ENOX1: variants seen among roughly 807,000 people sequenced by gnomAD.
ENOX1 encodes the protein ecto-NOX disulfide-thiol exchanger 1, also known as candidate growth-related and time keeping constitutive hydroquinone (NADH) oxidase.
ENOX1 carries 42 observed loss-of-function variants against 82.5 expected under a neutral mutation model. That is an observed-to-expected ratio of 0.51 (90% CI 0.40 to 0.66). The LOEUF (loss-of-function observed/expected upper bound fraction) is 0.66. ENOX1 is among the 30% of genes least tolerant of loss of function. The pLI, the probability that ENOX1 is intolerant of heterozygous loss-of-function variation, is 0.00. For synonymous variants in ENOX1, 271 were observed against 282.2 expected, an observed-to-expected ratio of 0.96 and a Z score of 0.40; for missense variants, 608 against 811.6, an observed-to-expected ratio of 0.75 and a Z score of 3.05.
chr13:43,234,862 A>G (rs1029755509), intron 15 of ENOX1, among the ~76,000 whole-genome samples: 3 of 152,246 alleles, frequency 2.0e-5, no homozygotes, highest in African/African-American at 7.2e-5. Context: ...CTACTTAGAA[A>G]ACATTTTAAA....
At chr13:43,412,819 G>T (rs1328018213) in intron 4 of ENOX1, 26 bp downstream of exon 4, 10 of 1,613,138 alleles carry the variant, frequency 6.2e-6, no homozygotes, top group Non-Finnish European at 8.5e-6. Context: ...CCTTGTTTGT[G>T]TCCTGTGCTG....
intron 2 of ENOX1, among the ~76,000 whole-genome samples, chr13:43,496,272 T>C (rs1240418586): frequency 6.6e-6 from 1 of 152,176 alleles, no homozygotes; most frequent in African/African-American, 2.4e-5. Flanking sequence ...TACTTTCATG[T>C]AAAGATCTAA....
rs2084988375 is a variant in ENOX1 at position 43,666,529 on chromosome 13, A to T, written c.-219+950T>A. ...CAGGGAGAATGCCATCTATAAGTCA[A>T]GGAATGCCTGAGGCTGCCAGAAGGT... On this transcript the variant is annotated intron_variant, in intron 2 of 16. Transcript: ENST00000690772. Among the ~76,000 whole-genome samples, 3 of 151,928 alleles carry T rather than the reference A, an allele frequency of 2.0e-5. No homozygotes were observed. In the South Asian group the frequency reaches 6.2e-4, roughly 31 times the overall value.
At chr13:43,587,208 T>C (rs146955373) in intron 2 of ENOX1, among the ~76,000 whole-genome samples, 1 of 152,342 alleles carries the variant, frequency 6.6e-6, no homozygotes, top group East Asian at 1.9e-4. Context: ...TTGCTCCAGA[T>C]GAGGACCCAC....
intron 1 of ENOX1, among the ~76,000 whole-genome samples, chr13:43,702,273 T>G (rs779141917): frequency 2.0e-5 from 3 of 152,204 alleles, no homozygotes; most frequent in Non-Finnish European, 4.4e-5. Flanking sequence ...TTTAAATAGA[T>G]AGATAAATAG....
At chr13:43,280,170 A>C (rs1024969581) in intron 12 of ENOX1, among the ~76,000 whole-genome samples, 2 of 152,212 alleles carry the variant, frequency 1.3e-5, no homozygotes, top group South Asian at 2.1e-4. Context: ...ATTTACTTCA[A>C]TCAAATAAGA....
At chr13:43,402,996 A>T (rs1181394590) in intron 5 of ENOX1, among the ~76,000 whole-genome samples, 2 of 152,154 alleles carry the variant, frequency 1.3e-5, no homozygotes, top group Non-Finnish European at 2.9e-5. Context: ...AAAATTAGGG[A>T]ATGTATGTAT....
At chr13:43,415,241 T>TTG (rs2054382841) in intron 3 of ENOX1, among the ~76,000 whole-genome samples, 1 of 144,268 alleles carries the variant, frequency 6.9e-6, no homozygotes, top group Non-Finnish European at 1.5e-5. Flanking sequence ...TGTTTTTTTT[T>TTG]TTTTTTTTTT....
In ENOX1 at chr13:43,524,143, C is replaced by G. The variant is rs75293808; in HGVS notation, c.-218-39991G>C. On this transcript the variant is annotated intron_variant, in intron 2 of 16. Transcript: ENST00000690772. ...ATCCTAGCCTTCAGACCCCTTTAGT[C>G]CATCTAATATCTTCTTGCCAACTCA... is the stretch of plus-strand genomic sequence containing the variant. Among the ~76,000 whole-genome samples the G allele has an allele frequency of 2.4e-3, 365 of 152,262 alleles. 2 individuals carry two copies. The highest frequency in any genetic ancestry group is 0.019 in the South Asian group (94 of 4,828).
chr13:43,558,545 C>A (rs1367953321), intron 2 of ENOX1, among the ~76,000 whole-genome samples: 1 of 152,158 alleles, frequency 6.6e-6, no homozygotes, highest in Non-Finnish European at 1.5e-5. Context: ...GCATTTCTAA[C>A]CCTGATCATT....
rs1305058647 is a variant in ENOX1 at position 43,214,059 on chromosome 13, G to A, written c.1863C>T (p.Phe621=). 3.7e-6 allele frequency: 6 copies of A among 1,613,464 alleles called. No homozygotes were observed. Among genetic ancestry groups the A allele is most frequent in the Middle Eastern group, 1.6e-4 (1 of 6,080 alleles). The change falls in exon 17 of 17, where the codon TTC becomes TTT. Residue 621 remains phenylalanine (F), a synonymous_variant. Coordinates refer to ENST00000690772, the MANE Select transcript of ENOX1 (RefSeq NM_001347969.2). Reference sequence around the variant, plus strand: ...TTTCCAGCGTGGCTCCCACACCCGTGAATTCCTGTTTGAACATGCGTGGCA... The same window carrying A: ...TTTCCAGCGTGGCTCCCACACCCGTAAATTCCTGTTTGAACATGCGTGGCA... ...MRLPRMFKQE[F]TGVGATLEKR... is the part of the protein sequence containing the mutation.
Position 43,617,900 on chromosome 13 carries a change from G to T in ENOX1, c.-219+49579C>A, listed in dbSNP as rs1347640951. Among the ~76,000 whole-genome samples, 317 of 151,894 alleles carry T rather than the reference G, an allele frequency of 2.1e-3. 2 individuals are homozygous for T. Among genetic ancestry groups the T allele is most frequent in the African/African-American group, 6.4e-3 (266 of 41,496 alleles). On this transcript the variant is annotated intron_variant, in intron 2 of 16. Transcript: ENST00000690772. Reference sequence around the variant, plus strand: ...CGTCAACATCTACTGGTTTGTTGTTGTTGTTGTTGTTGTTGTTATGGCCAT... The same window carrying T: ...CGTCAACATCTACTGGTTTGTTGTTTTTGTTGTTGTTGTTGTTATGGCCAT...
intron 2 of ENOX1, among the ~76,000 whole-genome samples, chr13:43,487,367 T>C (rs570708814): frequency 2.0e-5 from 3 of 152,220 alleles, no homozygotes; most frequent in Admixed American, 1.3e-4. Flanking sequence ...AGAGACATGA[T>C]TAGGCATTTA....
chr13:43,261,330 G>A (rs1227165609), intron 14 of ENOX1, among the ~76,000 whole-genome samples: 1 of 152,202 alleles, frequency 6.6e-6, no homozygotes, highest in African/African-American at 2.4e-5. Flanking sequence ...TAAGGGTGCA[G>A]CAGCTGCACC....
At chr13:43,310,594 A>G (rs1886325) in intron 11 of ENOX1, among the ~76,000 whole-genome samples, 145,105 of 152,198 alleles carry the variant, frequency 0.95, 69,591 homozygotes, top group East Asian at 1. Flanking sequence ...ATCCAGCATC[A>G]ATTACAATAT....
intron 1 of ENOX1, among the ~76,000 whole-genome samples, chr13:43,774,151 TAA>T (rs891583076): frequency 6.6e-6 from 1 of 152,116 alleles, no homozygotes; most frequent in East Asian, 1.9e-4. Flanking sequence ...AAATTCCACT[TAA>T]AAACTCTCTC....
At chr13:43,608,478 C>T (rs987418879) in intron 2 of ENOX1, among the ~76,000 whole-genome samples, 2 of 152,102 alleles carry the variant, frequency 1.3e-5, no homozygotes, top group Non-Finnish European at 2.9e-5. Context: ...AAAGAGTACA[C>T]TGAATATTAT....
At chr13:43,291,283 C>T (rs893962333) in intron 12 of ENOX1, among the ~76,000 whole-genome samples, 4 of 152,200 alleles carry the variant, frequency 2.6e-5, no homozygotes, top group South Asian at 2.1e-4. Flanking sequence ...CTGTGTCCTG[C>T]ACATGCATGG....
At chr13:43,319,811 G>A (rs897542616) in intron 11 of ENOX1, among the ~76,000 whole-genome samples, 2 of 152,200 alleles carry the variant, frequency 1.3e-5, no homozygotes, top group African/African-American at 4.8e-5. Flanking sequence ...ATTGGCAGGG[G>A]ATTCCTTACA....
Sources: allele counts gnomAD v4.1 joint callset (sites outside exome capture counted in the v4.1 genomes callset), GRCh38; gene constraint gnomAD v4.1.1; transcripts MANE v1.5; gene names NCBI Gene and HGNC (gene_info 2026-07-23, HGNC 2026-07-21).